The following ABLIM1 variants were observed in gnomAD, a reference collection of about 807,000 sequenced individuals.
The protein encoded by ABLIM1 is actin-binding LIM protein 1.
In ABLIM1, 40 loss-of-function variants were observed where a neutral mutation model predicts 107.0. That is an observed-to-expected ratio of 0.37 (90% CI 0.29 to 0.49). The LOEUF is 0.49. Ranked by LOEUF, ABLIM1 falls within the 20% of genes least tolerant of loss-of-function variation. The pLI is 0.97. For missense variants in ABLIM1, 857 were observed against 1,008.5 expected, an observed-to-expected ratio of 0.85 and a Z score of 2.04; for synonymous variants, 357 against 357.3, an observed-to-expected ratio of 1.00 and a Z score of 0.01.
intron 8 of ABLIM1, among the ~76,000 whole-genome samples, chr10:114,477,371 C>T (rs935154723): frequency 9.2e-5 from 14 of 152,088 alleles, no homozygotes; most frequent in Non-Finnish European, 1.8e-4. Context: ...CAGATGTCTT[C>T]GGTTACTGGG....
chr10:114,500,524 A>G (rs545070160), intron 6 of ABLIM1, among the ~76,000 whole-genome samples: 1 of 152,006 alleles, frequency 6.6e-6, no homozygotes, highest in Admixed American at 6.6e-5. Context: ...TACAAACAAC[A>G]CAAACATTAG....
intron 4 of ABLIM1, among the ~76,000 whole-genome samples, chr10:114,566,839 G>A (rs1224756638): frequency 1.3e-5 from 2 of 152,234 alleles, no homozygotes; most frequent in South Asian, 2.1e-4. Flanking sequence ...ACTTGAGGTC[G>A]GGAGTTAGAG....
intron 1 of ABLIM1, among the ~76,000 whole-genome samples, chr10:114,657,156 C>T (rs1225970451): frequency 6.6e-6 from 1 of 152,218 alleles, no homozygotes; most frequent in Non-Finnish European, 1.5e-5. Flanking sequence ...TCCAATTCAA[C>T]TCTGGCTGTC....
At chr10:114,461,121 T>C (rs531938860) in intron 12 of ABLIM1, among the ~76,000 whole-genome samples, 43 of 152,026 alleles carry the variant, frequency 2.8e-4, no homozygotes, top group Non-Finnish European at 2.2e-4. Flanking sequence ...TGGAGTGCAG[T>C]GGCTCGATCT....
chr10:114,663,271 T>C (rs1193532279), upstream of ABLIM1, among the ~76,000 whole-genome samples: 1 of 152,220 alleles, frequency 6.6e-6, no homozygotes, highest in East Asian at 1.9e-4. Context: ...CTTCCTATCT[T>C]GTCCCCAGAT....
At chr10:114,536,246 T>TAGA (rs2066006011) in intron 6 of ABLIM1, among the ~76,000 whole-genome samples, 1 of 77,878 alleles carries the variant, frequency 1.3e-5, no homozygotes, top group Non-Finnish European at 2.6e-5. Flanking sequence ...TTTTTTTTTT[T>TAGA]TTTTTTTTTT....
rs2065642473 is a variant in ABLIM1 at position 114,533,295 on chromosome 10, A to T, written c.894+11710T>A. Among the ~76,000 whole-genome samples, 3 of 152,092 alleles carry T rather than the reference A, an allele frequency of 2.0e-5. No homozygotes were observed. In the South Asian group the frequency reaches 6.2e-4, roughly 31 times the overall value. On this transcript the variant is annotated intron_variant, in intron 6 of 22. Transcript: ENST00000533213. ...GGTGGAGGTTGCACTGAGCCAAGAT[A>T]GTGCCACTGCACTCCAGCCTGGGCA...
intron 1 of ABLIM1, among the ~76,000 whole-genome samples, chr10:114,723,531 T>A (rs1216246731): frequency 2.0e-5 from 3 of 152,226 alleles, no homozygotes; most frequent in Admixed American, 2.0e-4. Flanking sequence ...AAGGGCAGAA[T>A]GCACCTTGAA....
intron 5 of ABLIM1, among the ~76,000 whole-genome samples, chr10:114,547,291 C>T (rs1055681927): frequency 1.4e-4 from 21 of 152,132 alleles, no homozygotes; most frequent in African/African-American, 5.1e-4. Context: ...TTTTGGGGAG[C>T]GTCTATGAAT....
intron 6 of ABLIM1, among the ~76,000 whole-genome samples, chr10:114,542,930 G>A (rs568739958): frequency 1.1e-4 from 17 of 152,152 alleles, no homozygotes; most frequent in Non-Finnish European, 1.9e-4. Context: ...TTTCTCCCTG[G>A]TCAAGACACT....
chr10:114,618,929 C>G (rs1591616082), intron 1 of ABLIM1, among the ~76,000 whole-genome samples: 1 of 152,240 alleles, frequency 6.6e-6, no homozygotes, highest in African/African-American at 2.4e-5. Flanking sequence ...TCCATCATAT[C>G]AACTCTCTCC....
chr10:114,737,999 C>T (rs1194222702), intron 1 of ABLIM1, among the ~76,000 whole-genome samples: 1 of 152,020 alleles, frequency 6.6e-6, no homozygotes, highest in Non-Finnish European at 1.5e-5. Flanking sequence ...AAATTGTATG[C>T]TTTAAAGGTT....
chr10:114,476,941 C>T (rs1238713258), intron 8 of ABLIM1, among the ~76,000 whole-genome samples: 3 of 152,070 alleles, frequency 2.0e-5, no homozygotes, highest in Admixed American at 6.5e-5. Flanking sequence ...CCACTTACTA[C>T]GTGGAAGCCC....
chr10:114,538,454 C>T (rs993733842), intron 6 of ABLIM1, among the ~76,000 whole-genome samples: 2 of 152,196 alleles, frequency 1.3e-5, no homozygotes, highest in South Asian at 2.1e-4. Flanking sequence ...GGACTTCCCT[C>T]GGCTCCATCT....
intron 1 of ABLIM1, among the ~76,000 whole-genome samples, chr10:114,682,030 T>G (rs1319462377): frequency 6.6e-6 from 1 of 152,240 alleles, no homozygotes; most frequent in Non-Finnish European, 1.5e-5. Flanking sequence ...TCCCTCTTTT[T>G]GGAAATGAAT....
chr10:114,795,194 G>A, the ABLIM1 span, among the ~76,000 whole-genome samples: 132 of 152,162 alleles, frequency 8.7e-4, no homozygotes, highest in African/African-American at 2.6e-3. Context: ...AAATGGTAGC[G>A]TCTATGGCAT....
Position 114,518,309 on chromosome 10 carries a change from G to GT in ABLIM1, c.895-26432dup, listed in dbSNP as rs539217460. 9.1e-4 allele frequency among the ~76,000 whole-genome samples: 139 copies of GT among 152,100 alleles called. 1 individual carries two copies. The highest frequency in any genetic ancestry group is 3.4e-3 in the Middle Eastern group (1 of 292). On this transcript the variant is annotated intron_variant, in intron 6 of 22. Transcript: ENST00000533213. ...CAACAATAGCTACCTCTGGGAGTGG[G>GT]TTTTTTTAAAGTAATGTGAGCTTAT...
At chr10:114,480,662 G>A (rs1360479822) in intron 8 of ABLIM1, among the ~76,000 whole-genome samples, 1 of 152,222 alleles carries the variant, frequency 6.6e-6, no homozygotes, top group African/African-American at 2.4e-5. Context: ...CCAGTAAGAT[G>A]AGGCAAGTAG....
chr10:114,621,157 T>C (rs1216338883), intron 1 of ABLIM1, among the ~76,000 whole-genome samples: 1 of 152,220 alleles, frequency 6.6e-6, no homozygotes, highest in East Asian at 1.9e-4. Flanking sequence ...TTATCCACTA[T>C]TGCATTCCTG....
Sources: allele counts gnomAD v4.1 joint callset (sites outside exome capture counted in the v4.1 genomes callset), GRCh38; gene constraint gnomAD v4.1.1; transcripts MANE v1.5; gene names NCBI Gene and HGNC (gene_info 2026-07-23, HGNC 2026-07-21).